The following NKX6-2 variants were observed in gnomAD, a reference collection of about 807,000 sequenced individuals.
NKX6-2 encodes homeobox protein Nkx-6.2.
A neutral mutation model predicts 19.9 loss-of-function variants in NKX6-2; 22 were observed. That is an observed-to-expected ratio of 1.10 (90% CI 0.79 to 1.58). The LOEUF (loss-of-function observed/expected upper bound fraction) is 1.58. Ranked by LOEUF, NKX6-2 falls within the 40% of genes most tolerant of loss-of-function variation. The pLI is 0.00. For missense variants in NKX6-2, 475 were observed against 410.6 expected (o/e 1.16, Z -1.35); for synonymous variants, 257 against 204.0 (o/e 1.26, Z -2.21).
chr10:132,785,188 G>C lies in NKX6-2; in HGVS notation c.580-18C>G, dbSNP rs372634702. ...AACCAGACCTGGGAGTGGACGGGGC[G>C]GTCAGGCGGCCGCGGGGCCCGGGGC... On this transcript the variant is annotated intron_variant, in intron 2 of 2. Coordinates refer to ENST00000368592, the MANE Select transcript of NKX6-2 (RefSeq NM_177400.3). The surrounding 1 kb of genome is among the most constrained non-coding windows in gnomAD (Gnocchi z 5.5). The C allele has an allele frequency of 1.4e-4, 221 of 1,603,540 alleles. No individual in the cohort carries two copies. The African/African-American group carries it at 2.8e-3, about 21-fold the overall frequency.
At position 132,786,102 on chromosome 10, in the gene NKX6-2, C is replaced by A. The variant is rs1248064811; in HGVS notation, c.-154G>T. ...GCGGGCGGGCGGCTCCGGCGCGGGGCGGGCGGGCGGGCGGCGGCGGCGGCG... is the reference window on the plus strand; with the variant it reads ...GCGGGCGGGCGGCTCCGGCGCGGGGAGGGCGGGCGGGCGGCGGCGGCGGCG... On this transcript the variant is annotated 5_prime_UTR_variant, in exon 1 of 3. Coordinates refer to ENST00000368592, the MANE Select transcript of NKX6-2 (RefSeq NM_177400.3). 1.6e-5 allele frequency: 2 copies of A among 128,868 alleles called. No homozygotes were observed. The highest frequency in any genetic ancestry group is 5.6e-5 in the African/African-American group (2 of 35,638). 8.0% of individuals were successfully genotyped at this position (128,868 alleles called of 1,614,324 possible).
Position 132,785,997 on chromosome 10 carries a change from C to G in NKX6-2, c.-49G>C. ...GCTCCCATCCGGGCCCCGCCGCCGC[C>G]GCCCCTGCCCGCCGGCCCGGGAAGT... On this transcript the variant is annotated 5_prime_UTR_variant, in exon 1 of 3. Coordinates refer to ENST00000368592, the MANE Select transcript of NKX6-2 (RefSeq NM_177400.3). The surrounding 1 kb of genome is among the most constrained non-coding windows in gnomAD (Gnocchi z 5.5). The G allele has an allele frequency of 2.1e-6, 1 of 478,010 alleles. No individual in the cohort carries two copies. Among genetic ancestry groups the G allele is most frequent in the Non-Finnish European group, 3.0e-6 (1 of 334,754 alleles). The allele number at this position is 478,010 out of a possible 1,614,324, so 29.6% of individuals were successfully genotyped here.
rs1131692047 is a variant in NKX6-2, at chr10:132,785,828, T to A, written c.121A>T (p.Lys41Ter). ...CCCAGGCCCCCCAGCGCGGGCGCCTTGAAGCCGGCCGGACCCTGCAGCGCG... is the reference window on the plus strand; with the variant it reads ...CCCAGGCCCCCCAGCGCGGGCGCCTAGAAGCCGGCCGGACCCTGCAGCGCG... ...PYALQGPAGFKAPALGGLGAQ... is the reference protein window; with the variant it reads ...PYALQGPAGF Residue 41 changes from lysine to a stop codon, truncating the protein, a stop_gained, in exon 1 of 3, where the codon AAG becomes TAG. Transcript: ENST00000368592. LOFTEE classifies it high-confidence loss of function. The surrounding 1 kb of genome is among the most constrained non-coding windows in gnomAD (Gnocchi z 5.5). The A allele has an allele frequency of 5.1e-6, 7 of 1,381,730 alleles. No individual in the cohort carries two copies. The South Asian group carries it at 1.1e-4, about 23-fold the overall frequency. 85.6% of individuals were successfully genotyped at this position (1,381,730 alleles called of 1,614,324 possible). A position where few individuals can be genotyped will look rare whatever the true frequency, so the allele number is the denominator to read the frequency against.
chr10:132,783,878 T>C lies in NKX6-2; in HGVS notation c.*1038A>G, dbSNP rs556057055. ...ACGCGCCGAGTTTAAGCCCTTTCTA[T>C]TTCCCTTTAACGCTTCCGCAAATGC... On this transcript the variant is annotated 3_prime_UTR_variant, in exon 3 of 3. Transcript: ENST00000368592. The C allele has an allele frequency of 6.6e-6, 1 of 152,272 alleles. No individual in the cohort carries two copies. Among genetic ancestry groups the C allele is most frequent in the Admixed American group, 6.5e-5 (1 of 15,288 alleles). The allele number at this position is 152,272 out of a possible 1,614,324, so 9.4% of individuals were successfully genotyped here. A position where few individuals can be genotyped will look rare whatever the true frequency, so the allele number is the denominator to read the frequency against.
Position 132,785,625 on chromosome 10 carries a change from G to C in NKX6-2, c.324C>G (p.Ala108=), listed in dbSNP as rs1847254749. 5 of 1,246,374 alleles carry C rather than the reference G, an allele frequency of 4.0e-6. No individual in the cohort carries two copies. Among genetic ancestry groups the C allele is most frequent in the Middle Eastern group, 3.1e-4 (1 of 3,206 alleles). 77.2% of individuals were successfully genotyped at this position (1,246,374 alleles called of 1,614,324 possible). ...AGATGGGCGGGCGCCCCGGCAGCTC[G>C]GCCAGGGGCTTGGGGTAGCCGCGCG... ...AVARGYPKPL[A]ELPGRPPIFW... is the part of the protein sequence containing the mutation. The change falls in exon 1 of 3, where the codon GCC becomes GCG. Residue 108 remains alanine, a synonymous_variant. Transcript: ENST00000368592. This position sits in a 1 kb window ranked among gnomAD's most constrained non-coding sequence, Gnocchi z 5.5.
chr10:132,786,086 C>T lies in NKX6-2; in HGVS notation c.-138G>A, dbSNP rs1249120905. Reference sequence around the variant, plus strand: ...GCGCGGGGCGCGGGGGGCGGGCGGGCGGCTCCGGCGCGGGGCGGGCGGGCG... The same window carrying T: ...GCGCGGGGCGCGGGGGGCGGGCGGGTGGCTCCGGCGCGGGGCGGGCGGGCG... On this transcript the variant is annotated 5_prime_UTR_variant, in exon 1 of 3. Coordinates refer to ENST00000368592, the MANE Select transcript of NKX6-2 (RefSeq NM_177400.3). 7.4e-6 allele frequency: 1 copy of T among 135,522 alleles called. No individual in the cohort carries two copies. Among genetic ancestry groups the T allele is most frequent in the East Asian group, 2.6e-4 (1 of 3,874 alleles). 8.4% of individuals were successfully genotyped at this position (135,522 alleles called of 1,614,324 possible). A position where few individuals can be genotyped will look rare whatever the true frequency, so the allele number is the denominator to read the frequency against.
At position 132,785,656 on chromosome 10, in the gene NKX6-2, G is replaced by A; in HGVS notation, c.293C>T (p.Ala98Val). ...GGGCTTGGGGTAGCCGCGCGCCACA[G>A]CGGCCGCGGGCCCGAAGTAAACGCC... ...SAGVYFGPAA[A>V]VARGYPKPLA... The change falls in exon 1 of 3, where the codon GCT becomes GTT. Residue 98 changes from alanine (A) to valine (V), a missense_variant. Physicochemically the swap from Ala to Val is moderately conservative, Grantham distance 64. Transcript: ENST00000368592. This position sits in a 1 kb window ranked among gnomAD's most constrained non-coding sequence, Gnocchi z 5.5. 8.0e-7 allele frequency: 1 copy of A among 1,247,694 alleles called. No individual in the cohort carries two copies. Among genetic ancestry groups the A allele is most frequent in the Non-Finnish European group, 1.0e-6 (1 of 997,384 alleles). The allele number at this position is 1,247,694 out of a possible 1,614,324, so 77.3% of individuals were successfully genotyped here. A position where few individuals can be genotyped will look rare whatever the true frequency, so the allele number is the denominator to read the frequency against.
At position 132,785,922 on chromosome 10, in the gene NKX6-2, G is replaced by C. The variant is rs1264577393; in HGVS notation, c.27C>G (p.Phe9Leu). The C allele has an allele frequency of 3.0e-6, 4 of 1,323,744 alleles. No individual in the cohort carries two copies. In the East Asian group the frequency reaches 9.0e-5, roughly 30 times the overall value. The allele number at this position is 1,323,744 out of a possible 1,614,324, so 82.0% of individuals were successfully genotyped here. A position where few individuals can be genotyped will look rare whatever the true frequency, so the allele number is the denominator to read the frequency against. Residue 9 changes from phenylalanine to leucine, a missense_variant, in exon 1 of 3, where the codon TTC becomes TTG. Coordinates refer to ENST00000368592, the MANE Select transcript of NKX6-2 (RefSeq NM_177400.3). This position sits in a 1 kb window ranked among gnomAD's most constrained non-coding sequence, Gnocchi z 5.5. ...CGGCCAGCGGGGCACTGCTCAGCAC[G>C]AACGCGCCCGGGCGGTTAGTGTCCA... is the stretch of plus-strand genomic sequence containing the variant. MDTNRPGA[F>L]VLSSAPLAAL... is the part of the protein sequence containing the mutation.
rs768605115 is a variant in NKX6-2 at position 132,785,792 on chromosome 10, G to T, written c.157C>A (p.Pro53Thr). The T allele has an allele frequency of 1.3e-5, 17 of 1,344,980 alleles. No individual in the cohort carries two copies. In the Admixed American group the frequency reaches 1.5e-4, roughly 12 times the overall value. The allele number at this position is 1,344,980 out of a possible 1,614,324, so 83.3% of individuals were successfully genotyped here. ...PALGGLGAQL[P>T]LGTPHGISDI... ...CTGATGCCGTGCGGGGTCCCGAGCGGGAGCTGCGCGCCCAGGCCCCCCAGC... is the reference window on the plus strand; with the variant it reads ...CTGATGCCGTGCGGGGTCCCGAGCGTGAGCTGCGCGCCCAGGCCCCCCAGC... Residue 53 changes from proline to threonine, a missense_variant, in exon 1 of 3, where the codon CCG becomes ACG. Physicochemically the swap from Pro to Thr is conservative, Grantham distance 38. Transcript: ENST00000368592. This position sits in a 1 kb window ranked among gnomAD's most constrained non-coding sequence, Gnocchi z 5.5.
In NKX6-2 at chr10:132,785,451, GGCT is replaced by G; in HGVS notation, c.407-2_407del. ...CCTTGTCCAGGACGCCGCCGGCCGG[GGCT>G]GCAAGGGAGGGGAAGGGAGGGAGGT... On this transcript the variant is annotated splice_acceptor_variant and coding_sequence_variant, in exon 2 of 3. Transcript: ENST00000368592. LOFTEE classifies it high-confidence loss of function. This position sits in a 1 kb window ranked among gnomAD's most constrained non-coding sequence, Gnocchi z 5.5. 6.4e-7 allele frequency: 1 copy of G among 1,573,926 alleles called. No individual in the cohort carries two copies. Among genetic ancestry groups the G allele is most frequent in the Non-Finnish European group, 8.6e-7 (1 of 1,162,122 alleles).
chr10:132,785,774 C>G lies in NKX6-2; in HGVS notation c.175G>C (p.Gly59Arg), dbSNP rs563679091. Residue 59 changes from glycine to arginine, a missense_variant, in exon 1 of 3, where the codon GGC becomes CGC. Coordinates refer to ENST00000368592, the MANE Select transcript of NKX6-2 (RefSeq NM_177400.3). This position sits in a 1 kb window ranked among gnomAD's most constrained non-coding sequence, Gnocchi z 5.5. ...GAQLPLGTPH[G>R]ISDILGRPVG... ...GGCCGGCCCAGGATGTCGCTGATGC[C>G]GTGCGGGGTCCCGAGCGGGAGCTGC... The G allele has an allele frequency of 3.1e-6, 4 of 1,303,038 alleles. 1 individual carries two copies. The highest frequency in any genetic ancestry group is 4.3e-5 in the South Asian group (2 of 46,052). 80.7% of individuals were successfully genotyped at this position (1,303,038 alleles called of 1,614,324 possible). A position where few individuals can be genotyped will look rare whatever the true frequency, so the allele number is the denominator to read the frequency against.
At position 132,785,833 on chromosome 10, in the gene NKX6-2, C is replaced by T; in HGVS notation, c.116G>A (p.Gly39Asp). ...LFPYALQGPA[G>D]FKAPALGGLG... ...GCCCCCCAGCGCGGGCGCCTTGAAG[C>T]CGGCCGGACCCTGCAGCGCGTAGGG... The change falls in exon 1 of 3, where the codon GGC (glycine) becomes GAC (aspartate). Residue 39 changes from glycine (G) to aspartate (D), a missense_variant. Physicochemically the swap from Gly to Asp is moderately conservative, Grantham distance 94. Transcript: ENST00000368592. This position sits in a 1 kb window ranked among gnomAD's most constrained non-coding sequence, Gnocchi z 5.5. 7.3e-7 allele frequency: 1 copy of T among 1,373,470 alleles called. No individual in the cohort carries two copies. The highest frequency in any genetic ancestry group is 9.4e-7 in the Non-Finnish European group (1 of 1,058,256). The allele number at this position is 1,373,470 out of a possible 1,614,324, so 85.1% of individuals were successfully genotyped here. A position where few individuals can be genotyped will look rare whatever the true frequency, so the allele number is the denominator to read the frequency against.
Position 132,783,923 on chromosome 10 carries a change from G to A in NKX6-2, c.*993C>T, listed in dbSNP as rs937587930. 6.6e-6 allele frequency: 1 copy of A among 152,216 alleles called. No individual in the cohort carries two copies. The highest frequency in any genetic ancestry group is 1.5e-5 in the Non-Finnish European group (1 of 68,042). The allele number at this position is 152,216 out of a possible 1,614,324, so 9.4% of individuals were successfully genotyped here. ...AAATGCCAAGAGAAATCGTACCACC[G>A]CAGTGATATCATTATTTACATTTAA... is the stretch of plus-strand genomic sequence containing the variant. On this transcript the variant is annotated 3_prime_UTR_variant, in exon 3 of 3. Coordinates refer to ENST00000368592, the MANE Select transcript of NKX6-2 (RefSeq NM_177400.3).
chr10:132,783,932 T>C lies in NKX6-2; in HGVS notation c.*984A>G, dbSNP rs1405598246. On this transcript the variant is annotated 3_prime_UTR_variant, in exon 3 of 3. Coordinates refer to ENST00000368592, the MANE Select transcript of NKX6-2 (RefSeq NM_177400.3). ...GAGAAATCGTACCACCGCAGTGATA[T>C]CATTATTTACATTTAATTTTTAAAA... is the stretch of plus-strand genomic sequence containing the variant. 3 of 152,248 alleles carry C rather than the reference T, an allele frequency of 2.0e-5. No homozygotes were observed. Among genetic ancestry groups the C allele is most frequent in the African/African-American group, 4.8e-5 (2 of 41,460 alleles). 9.4% of individuals were successfully genotyped at this position (152,248 alleles called of 1,614,324 possible).
rs1847222871 is a variant in NKX6-2 at position 132,784,481 on chromosome 10, CGG to C, written c.*433_*434del. ...AAAAACCTCCCGCGGGGACTCGAGG[CGG>C]GTACGCGGCTCACCCGCCCTTTCGG... is the stretch of plus-strand genomic sequence containing the variant. On this transcript the variant is annotated 3_prime_UTR_variant, in exon 3 of 3. Coordinates refer to ENST00000368592, the MANE Select transcript of NKX6-2 (RefSeq NM_177400.3). 2 of 160,864 alleles carry C rather than the reference CGG, an allele frequency of 1.2e-5. No homozygotes were observed. Among genetic ancestry groups the C allele is most frequent in the African/African-American group, 4.8e-5 (2 of 41,952 alleles). 10.0% of individuals were successfully genotyped at this position (160,864 alleles called of 1,614,324 possible).
chr10:132,784,533 G>C lies in NKX6-2; in HGVS notation c.*383C>G, dbSNP rs1565019458. On this transcript the variant is annotated 3_prime_UTR_variant, in exon 3 of 3. Coordinates refer to ENST00000368592, the MANE Select transcript of NKX6-2 (RefSeq NM_177400.3). Reference sequence around the variant, plus strand: ...GGAACCCCCAAGCGCGTCCGAATCCGCCCCGAGGCGAGGCGGGCCGGGCCG... The same window carrying C: ...GGAACCCCCAAGCGCGTCCGAATCCCCCCCGAGGCGAGGCGGGCCGGGCCG... 1 of 177,128 alleles carries C rather than the reference G, an allele frequency of 5.6e-6. No homozygotes were observed. The highest frequency in any genetic ancestry group is 1.2e-5 in the Non-Finnish European group (1 of 85,660). The allele number at this position is 177,128 out of a possible 1,614,324, so 11.0% of individuals were successfully genotyped here.
chr10:132,784,782 GC>G lies in NKX6-2; in HGVS notation c.*133del. On this transcript the variant is annotated 3_prime_UTR_variant, in exon 3 of 3. Coordinates refer to ENST00000368592, the MANE Select transcript of NKX6-2 (RefSeq NM_177400.3). ...TCCGGGTTCGAGACGGAAGAAACAC[GC>G]GGCGCAGGCTCCGGAGCGACGGCTC... is the stretch of plus-strand genomic sequence containing the variant. The G allele has an allele frequency of 1.4e-6, 1 of 706,222 alleles. No individual in the cohort carries two copies. Among genetic ancestry groups the G allele is most frequent in the South Asian group, 1.9e-5 (1 of 52,290 alleles). The allele number at this position is 706,222 out of a possible 1,614,324, so 43.7% of individuals were successfully genotyped here. A position where few individuals can be genotyped will look rare whatever the true frequency, so the allele number is the denominator to read the frequency against.
At position 132,786,085 on chromosome 10, in the gene NKX6-2, G is replaced by C. The variant is rs1207936622; in HGVS notation, c.-137C>G. 1.1e-4 allele frequency: 16 copies of C among 146,354 alleles called. No homozygotes were observed. The highest frequency in any genetic ancestry group is 1.8e-4 in the Non-Finnish European group (12 of 67,024). The allele number at this position is 146,354 out of a possible 1,614,324, so 9.1% of individuals were successfully genotyped here. A position where few individuals can be genotyped will look rare whatever the true frequency, so the allele number is the denominator to read the frequency against. On this transcript the variant is annotated 5_prime_UTR_variant, in exon 1 of 3. Coordinates refer to ENST00000368592, the MANE Select transcript of NKX6-2 (RefSeq NM_177400.3). ...GGCGCGGGGCGCGGGGGGCGGGCGG[G>C]CGGCTCCGGCGCGGGGCGGGCGGGC...
chr10:132,785,568 C>T lies in NKX6-2; in HGVS notation c.381G>A (p.Trp127Ter). The change falls in exon 1 of 3, where the codon TGG becomes TGA. Residue 127 changes from tryptophan (W) to a stop codon, truncating the protein, a stop_gained. Coordinates refer to ENST00000368592, the MANE Select transcript of NKX6-2 (RefSeq NM_177400.3). LOFTEE classifies it high-confidence loss of function. This position sits in a 1 kb window ranked among gnomAD's most constrained non-coding sequence, Gnocchi z 5.5. ...CCGGGCCAGCCAGACGCGGGTCCCT[C>T]CAGGGCGCGCCCTGCACCACGCCGG... ...FWPGVVQGAP[W>*]RDPRLAGPAP... 1 of 1,329,732 alleles carries T rather than the reference C, an allele frequency of 7.5e-7. No homozygotes were observed. 82.4% of individuals were successfully genotyped at this position (1,329,732 alleles called of 1,614,324 possible).
Sources: gnomAD v4.1 joint callset for allele counts on GRCh38, gnomAD v4.1.1 for gene constraint, Gnocchi (gnomAD v3.1) non-coding constraint, MANE v1.5 for transcripts, NCBI Gene and HGNC (gene_info 2026-07-23, HGNC 2026-07-21) for gene names.